AUTS2: variants seen among roughly 807,000 people sequenced by gnomAD.
AUTS2 encodes the protein activator of transcription and developmental regulator AUTS2.
AUTS2 carries 17 observed loss-of-function variants against 112.4 expected under a neutral mutation model. The ratio of observed to expected loss-of-function variants is 0.15; its 90% CI spans 0.10 to 0.23. AUTS2 has a LOEUF of 0.23. AUTS2 is among the 10% of genes least tolerant of loss of function. AUTS2 has a pLI of 1.00. For synonymous variants in AUTS2, 751 were observed against 702.7 expected, an observed-to-expected ratio of 1.07 and a Z score of -1.09; for missense variants, 1,510 against 1,701.6, an observed-to-expected ratio of 0.89 and a Z score of 1.98.
At chr7:70,512,894 G>T (rs1410943630) in intron 5 of AUTS2, among the ~76,000 whole-genome samples, 1 of 152,072 alleles carries the variant, frequency 6.6e-6, no homozygotes, top group Admixed American at 6.5e-5. Context: ...GAAGTGTGGG[G>T]GGGCAGTAGG....
chr7:69,696,445 G>A (rs931614069), intron 1 of AUTS2, among the ~76,000 whole-genome samples: 13 of 152,120 alleles, frequency 8.5e-5, no homozygotes, highest in Non-Finnish European at 1.9e-4. Flanking sequence ...CAGAATAGCA[G>A]CAGGGTAATT....
chr7:70,043,850 C>G (rs987300380), intron 2 of AUTS2, among the ~76,000 whole-genome samples: 9 of 151,946 alleles, frequency 5.9e-5, no homozygotes, highest in Non-Finnish European at 1.0e-4. Context: ...CTCAGGTGAT[C>G]CGCCCATCTC....
intron 4 of AUTS2, among the ~76,000 whole-genome samples, chr7:70,406,972 TGTTAA>T (rs1794562381): frequency 2.0e-5 from 3 of 152,168 alleles, no homozygotes; most frequent in Non-Finnish European, 4.4e-5. Flanking sequence ...CCTACTGATT[TGTTAA>T]GTTGTCATTC....
At chr7:70,533,402 C>T (rs1383564153) in intron 5 of AUTS2, among the ~76,000 whole-genome samples, 1 of 152,196 alleles carries the variant, frequency 6.6e-6, no homozygotes, top group African/African-American at 2.4e-5. Context: ...GCGTGAGGCA[C>T]CATTCCCAGA....
chr7:70,047,621 G>A lies in AUTS2; in HGVS notation c.523-70511G>A, dbSNP rs933370327. 2.6e-5 allele frequency among the ~76,000 whole-genome samples: 4 copies of A among 152,114 alleles called. No homozygotes were observed. The East Asian group carries it at 7.7e-4, about 29-fold the overall frequency. On this transcript the variant is annotated intron_variant, in intron 2 of 18. Coordinates refer to ENST00000342771, the MANE Select transcript of AUTS2 (RefSeq NM_015570.4). Reference sequence around the variant, plus strand: ...TTTGACAGCAGGGAGTGAGTGGAGCGTTGGGCTTTGTTATTTGGAGAGATC... The same window carrying A: ...TTTGACAGCAGGGAGTGAGTGGAGCATTGGGCTTTGTTATTTGGAGAGATC...
intron 2 of AUTS2, among the ~76,000 whole-genome samples, chr7:70,027,139 G>A (rs1800556885): frequency 6.6e-6 from 1 of 152,120 alleles, no homozygotes; most frequent in Admixed American, 6.5e-5. Flanking sequence ...TGTATCAGAT[G>A]CTTTTTTGAC....
chr7:69,810,090 C>G (rs898188818), intron 1 of AUTS2, among the ~76,000 whole-genome samples: 1 of 152,190 alleles, frequency 6.6e-6, no homozygotes, highest in Non-Finnish European at 1.5e-5. Context: ...TTCCCTCTTA[C>G]AGCTTCTCCA....
chr7:70,292,728 AT>A (rs1359234613), intron 4 of AUTS2: 1 of 152,032 alleles, frequency 6.6e-6, no homozygotes, highest in African/African-American at 2.4e-5. Flanking sequence ...GAGAAGGAAA[AT>A]TTTAAAATGC....
intron 1 of AUTS2, among the ~76,000 whole-genome samples, chr7:69,715,643 A>G (rs1183685654): frequency 6.6e-6 from 1 of 152,120 alleles, no homozygotes; most frequent in Non-Finnish European, 1.5e-5. Context: ...CAAAATGGAG[A>G]GATGAAGGAT....
chr7:70,280,932 T>G (rs762833599), intron 4 of AUTS2, among the ~76,000 whole-genome samples: 30 of 152,158 alleles, frequency 2.0e-4, no homozygotes, highest in Non-Finnish European at 3.8e-4. Flanking sequence ...TATAATAAAT[T>G]TATTAGGATT....
At chr7:69,810,745 G>T (rs930773781) in intron 1 of AUTS2, among the ~76,000 whole-genome samples, 1 of 152,154 alleles carries the variant, frequency 6.6e-6, no homozygotes, top group African/African-American at 2.4e-5. Flanking sequence ...ACTAGGATTC[G>T]GAAGAAACTG....
At chr7:70,442,031 A>G (rs773478395) in intron 5 of AUTS2, among the ~76,000 whole-genome samples, 1 of 152,150 alleles carries the variant, frequency 6.6e-6, no homozygotes, top group Non-Finnish European at 1.5e-5. Context: ...CAAATAGGAT[A>G]TATTTTGGTC....
intron 5 of AUTS2, among the ~76,000 whole-genome samples, chr7:70,481,189 A>G (rs1797774053): frequency 6.6e-6 from 1 of 152,200 alleles, no homozygotes; most frequent in Non-Finnish European, 1.5e-5. Flanking sequence ...CAAATGTAAA[A>G]TGAAGGGCTC....
chr7:70,442,079 A>G (rs886889357), intron 5 of AUTS2, among the ~76,000 whole-genome samples: 9 of 152,332 alleles, frequency 5.9e-5, no homozygotes, highest in Admixed American at 2.0e-4. Flanking sequence ...TTTTGTAGCT[A>G]GAAAGGAATA....
chr7:70,137,961 A>T (rs1413768046), intron 4 of AUTS2, among the ~76,000 whole-genome samples: 1 of 152,190 alleles, frequency 6.6e-6, no homozygotes, highest in East Asian at 1.9e-4. Flanking sequence ...CTGTATGTGA[A>T]CATAAAACAG....
chr7:69,680,632 C>G (rs1246525727), intron 1 of AUTS2, among the ~76,000 whole-genome samples: 2 of 152,128 alleles, frequency 1.3e-5, no homozygotes, highest in Non-Finnish European at 2.9e-5. Context: ...CCCTGGTAAG[C>G]ACCATTCTCA....
intron 4 of AUTS2, among the ~76,000 whole-genome samples, chr7:70,303,996 G>T (rs961231685): frequency 6.6e-6 from 1 of 152,094 alleles, no homozygotes; most frequent in Non-Finnish European, 1.5e-5. Flanking sequence ...CAGCCAACAT[G>T]CTGCCCCTCC....
chr7:70,550,244 C>T (rs1027256440), intron 5 of AUTS2, among the ~76,000 whole-genome samples: 4 of 152,174 alleles, frequency 2.6e-5, no homozygotes, highest in Middle Eastern at 3.2e-3. Flanking sequence ...ACTCCAGTGA[C>T]GCCATCCATT....
At chr7:69,762,062 T>G (rs563448536) in intron 1 of AUTS2, among the ~76,000 whole-genome samples, 2 of 152,168 alleles carry the variant, frequency 1.3e-5, no homozygotes, top group African/African-American at 4.8e-5. Flanking sequence ...TAAATTACAA[T>G]GTTCACTATT....
Sources: allele counts gnomAD v4.1 joint callset (sites outside exome capture counted in the v4.1 genomes callset), GRCh38; gene constraint gnomAD v4.1.1; transcripts MANE v1.5; gene names NCBI Gene and HGNC (gene_info 2026-07-23, HGNC 2026-07-21).